KANK1: variants seen among roughly 807,000 people sequenced by gnomAD.
The protein encoded by KANK1 is KN motif and ankyrin repeat domain-containing protein 1.
Under a neutral mutation model 106.2 loss-of-function variants are expected in KANK1, and 109 were observed. The ratio of observed to expected loss-of-function variants is 1.03; its 90% confidence interval spans 0.88 to 1.20. The LOEUF (loss-of-function observed/expected upper bound fraction) is 1.20, where lower values mean the gene tolerates loss of function less well. Among genes scored for constraint, KANK1 ranks in the 50% most tolerant of loss-of-function variants. The pLI, the probability that KANK1 is intolerant of heterozygous loss-of-function variation, is 0.00. For missense variants in KANK1, 2,399 were observed against 1,710.7 expected (o/e 1.40, Z -7.10); for synonymous variants, 873 against 652.2 (o/e 1.34, Z -5.16).
chr9:668,284 T>C (rs1412407642), intron 1 of KANK1, among the ~76,000 whole-genome samples: 1 of 152,178 alleles, frequency 6.6e-6, no homozygotes, highest in East Asian at 1.9e-4. Flanking sequence ...TAATTTTCTG[T>C]CTAGATGATC....
intron 3 of KANK1, among the ~76,000 whole-genome samples, chr9:482,573 G>A (rs1228503691): frequency 2.0e-5 from 3 of 152,116 alleles, no homozygotes; most frequent in African/African-American, 7.2e-5. Flanking sequence ...TACAACTAAC[G>A]GGCATGGATT....
intron 1 of KANK1, among the ~76,000 whole-genome samples, chr9:515,206 G>A (rs1483342837): frequency 3.3e-5 from 5 of 151,530 alleles, no homozygotes; most frequent in Admixed American, 1.3e-4. Context: ...TTAGCCAGGC[G>A]TGGTGGCGGG....
intron 1 of KANK1, among the ~76,000 whole-genome samples, chr9:599,456 A>T (rs1827170717): frequency 1.3e-5 from 2 of 151,852 alleles, no homozygotes; most frequent in Non-Finnish European, 1.5e-5. Flanking sequence ...CATGTTTTCC[A>T]TGCATTTATA....
chr9:664,012 C>G (rs917677763), intron 1 of KANK1, among the ~76,000 whole-genome samples: 1 of 152,034 alleles, frequency 6.6e-6, no homozygotes, highest in East Asian at 1.9e-4. Context: ...TTGTAGTTCC[C>G]ATAATCTCGT....
intron 1 of KANK1, among the ~76,000 whole-genome samples, chr9:517,446 TAATA>T (rs1443779069): frequency 1.3e-5 from 2 of 151,010 alleles, no homozygotes; most frequent in Non-Finnish European, 2.9e-5. Context: ...GTTTTTAGGC[TAATA>T]AAGAACACTG....
intron 3 of KANK1, among the ~76,000 whole-genome samples, chr9:726,947 A>C (rs368384675): frequency 5.9e-5 from 9 of 152,298 alleles, no homozygotes; most frequent in African/African-American, 2.2e-4. Flanking sequence ...GCAACAGCAC[A>C]AGACAAGACA....
intron 2 of KANK1, among the ~76,000 whole-genome samples, chr9:686,127 CA>C (rs1219265108): frequency 6.6e-6 from 1 of 152,156 alleles, no homozygotes; most frequent in African/African-American, 2.4e-5. Flanking sequence ...TCATGTGCAT[CA>C]GCTCTTACTT....
At chr9:504,587 C>G (rs1340586255), upstream of KANK1, 4 of 151,612 alleles carry the variant, frequency 2.6e-5, no homozygotes, top group African/African-American at 7.2e-5. Flanking sequence ...GAGAGGCTTG[C>G]TGGTCCGCCC....
intron 1 of KANK1, among the ~76,000 whole-genome samples, chr9:504,987 G>A (rs1037051521): frequency 1.1e-4 from 16 of 151,320 alleles, no homozygotes; most frequent in African/African-American, 3.6e-4. Flanking sequence ...GGTGGCGTCG[G>A]CCCCGCGGCC....
intron 1 of KANK1, among the ~76,000 whole-genome samples, chr9:600,310 A>G (rs965522749): frequency 1.3e-5 from 2 of 151,556 alleles, no homozygotes; most frequent in African/African-American, 4.9e-5. Context: ...TGGCTGGCTT[A>G]TTTTACCCAG....
chr9:653,787 G>T (rs536943877), intron 1 of KANK1, among the ~76,000 whole-genome samples: 1 of 152,168 alleles, frequency 6.6e-6, no homozygotes, highest in East Asian at 1.9e-4. Context: ...AGAAGGAGAG[G>T]ATAGCAACTA....
At chr9:687,888 A>C (rs1313595264) in intron 2 of KANK1, among the ~76,000 whole-genome samples, 1 of 152,336 alleles carries the variant, frequency 6.6e-6, no homozygotes, top group African/African-American at 2.4e-5. Flanking sequence ...GTGTTTTAAG[A>C]GGCAAGAATC....
At chr9:701,375 A>G (rs1398508304) in intron 2 of KANK1, among the ~76,000 whole-genome samples, 2 of 152,212 alleles carry the variant, frequency 1.3e-5, no homozygotes, top group Non-Finnish European at 2.9e-5. Context: ...AAGTGCTGGG[A>G]TTACAGGCAT....
intron 1 of KANK1, among the ~76,000 whole-genome samples, chr9:661,087 G>GTT (rs34404745): frequency 4.0e-5 from 6 of 151,644 alleles, no homozygotes; most frequent in Admixed American, 1.3e-4. Context: ...AGGTTTGTTT[G>GTT]TTTTTTTCCC....
intron 3 of KANK1, among the ~76,000 whole-genome samples, chr9:493,040 AAAAAAG>A (rs1564121094): frequency 3.3e-5 from 5 of 150,804 alleles, no homozygotes; most frequent in African/African-American, 2.4e-5. Context: ...AAAAAAAAAA[AAAAAAG>A]AAAAGAAAAC....
chr9:586,726 G>T (rs1158655938), intron 1 of KANK1, among the ~76,000 whole-genome samples: 1 of 152,164 alleles, frequency 6.6e-6, no homozygotes, highest in Non-Finnish European at 1.5e-5. Flanking sequence ...CAGAACAGAA[G>T]GTGGAAAGCT....
intron 1 of KANK1, among the ~76,000 whole-genome samples, chr9:571,400 T>G (rs1400065861): frequency 1.3e-5 from 2 of 152,118 alleles, no homozygotes; most frequent in Non-Finnish European, 2.9e-5. Context: ...CCCTTTTTAA[T>G]GAAAATTCTC....
At chr9:615,233 G>A (rs748026240) in intron 1 of KANK1, among the ~76,000 whole-genome samples, 1 of 152,132 alleles carries the variant, frequency 6.6e-6, no homozygotes, top group Non-Finnish European at 1.5e-5. Flanking sequence ...ACCGCGCCTG[G>A]CATAGTATCA....
intron 1 of KANK1, among the ~76,000 whole-genome samples, chr9:605,939 G>T (rs1055746964): frequency 6.6e-6 from 1 of 151,622 alleles, no homozygotes; most frequent in Non-Finnish European, 1.5e-5. Context: ...TGTTGTCAGG[G>T]GGCCCTGTGT....
Sources: allele counts gnomAD v4.1 joint callset (sites outside exome capture counted in the v4.1 genomes callset), GRCh38; gene constraint gnomAD v4.1.1; transcripts MANE v1.5; gene names NCBI Gene and HGNC (gene_info 2026-07-23, HGNC 2026-07-21).